NEDD4L: variants seen among roughly 807,000 people sequenced by gnomAD.
NEDD4L encodes E3 ubiquitin-protein ligase NEDD4-like.
Under a neutral mutation model 148.9 loss-of-function variants are expected in NEDD4L, and 54 were observed. The observed-to-expected ratio is 0.36, with a 90% CI of 0.29 to 0.45. The LOEUF (loss-of-function observed/expected upper bound fraction) is 0.45, where lower values mean the gene tolerates loss of function less well. Ranked by LOEUF, NEDD4L falls within the 20% of genes least tolerant of loss-of-function variation. NEDD4L has a pLI of 1.00. For missense variants in NEDD4L, 856 were observed against 1,233.8 expected (o/e 0.69, Z 4.59); for synonymous variants, 433 against 440.7 (o/e 0.98, Z 0.22).
At chr18:58,353,002 G>A (rs1265152678) in intron 18 of NEDD4L, among the ~76,000 whole-genome samples, 1 of 152,204 alleles carries the variant, frequency 6.6e-6, no homozygotes, top group Non-Finnish European at 1.5e-5. Flanking sequence ...ATGATACATA[G>A]CAGATGCTTG....
At chr18:58,150,257 G>A (rs961230588) in intron 1 of NEDD4L, among the ~76,000 whole-genome samples, 1 of 152,174 alleles carries the variant, frequency 6.6e-6, no homozygotes, top group Non-Finnish European at 1.5e-5. Flanking sequence ...GTTTTGAGAC[G>A]GAGTTTCACT....
chr18:58,342,153 T>C (rs931246095), intron 15 of NEDD4L, among the ~76,000 whole-genome samples: 36 of 152,254 alleles, frequency 2.4e-4, no homozygotes, highest in African/African-American at 8.0e-4. Flanking sequence ...AGTGCTGATA[T>C]TGAGTTTTTA....
Position 58,089,126 on chromosome 18 carries a change from ATTTTTTT to A in NEDD4L, c.48+44437_48+44443del, listed in dbSNP as rs570623396. On this transcript the variant is annotated intron_variant, in intron 1 of 30. Transcript: ENST00000400345. ...CTACCCATTCAAGTTTTATTTCATA[ATTTTTTT>A]TTTTTTTTTTTTTTTTTTGAGATGG... 1.0e-3 allele frequency among the ~76,000 whole-genome samples: 103 copies of A among 100,970 alleles called. 1 individual carries two copies. The South Asian group carries it at 0.013, about 12-fold the overall frequency. 66.2% of individuals were successfully genotyped at this position (100,970 alleles called of 152,430 possible). A position where few individuals can be genotyped will look rare whatever the true frequency, so the allele number is the denominator to read the frequency against.
intron 1 of NEDD4L, among the ~76,000 whole-genome samples, chr18:58,157,099 G>A (rs2035595140): frequency 6.7e-6 from 1 of 149,982 alleles, no homozygotes. Flanking sequence ...AAGGTGGGAG[G>A]ATTGCTTGAG....
intron 1 of NEDD4L, among the ~76,000 whole-genome samples, chr18:58,152,840 A>G (rs969878743): frequency 1.4e-4 from 22 of 152,308 alleles, no homozygotes; most frequent in African/African-American, 4.8e-4. Context: ...GTGGCTTCTT[A>G]GGCACGTCTT....
intron 5 of NEDD4L, among the ~76,000 whole-genome samples, chr18:58,262,155 T>C (rs1264238720): frequency 1.3e-5 from 2 of 152,160 alleles, no homozygotes; most frequent in Non-Finnish European, 2.9e-5. Flanking sequence ...CCACTCTGAA[T>C]AAAAAATTAA....
chr18:58,056,583 A>AT (rs2082094764), intron 1 of NEDD4L, among the ~76,000 whole-genome samples: 2 of 150,636 alleles, frequency 1.3e-5, no homozygotes, highest in African/African-American at 2.4e-5. Context: ...GCCTTTTTTT[A>AT]TTTTTTTACT....
chr18:58,315,840 G>A (rs554522461), intron 5 of NEDD4L, 142 bp from the exon 6 acceptor site: 26 of 769,690 alleles, frequency 3.4e-5, no homozygotes, highest in East Asian at 1.2e-4. Flanking sequence ...GTGGTTACTC[G>A]TGTCTCCTCG....
chr18:58,095,575 C>T (rs1334171465), intron 1 of NEDD4L, among the ~76,000 whole-genome samples: 1 of 152,198 alleles, frequency 6.6e-6, no homozygotes, highest in Non-Finnish European at 1.5e-5. Flanking sequence ...CAGAGAGAAG[C>T]TGTGGCCGCC....
chr18:58,127,474 CG>C (rs1568254377), intron 1 of NEDD4L, among the ~76,000 whole-genome samples: 1 of 149,832 alleles, frequency 6.7e-6, no homozygotes, highest in Non-Finnish European at 1.5e-5. Flanking sequence ...GAGGCCGAGG[CG>C]GGAAGATCGC....
intron 2 of NEDD4L, among the ~76,000 whole-genome samples, chr18:58,232,178 GGT>G: frequency 6.6e-6 from 1 of 152,198 alleles, no homozygotes; most frequent in Non-Finnish European, 1.5e-5. Context: ...GGTGGGGCAG[GGT>G]GTGTAGGAAC....
intron 8 of NEDD4L, among the ~76,000 whole-genome samples, chr18:58,324,620 T>C (rs1407813985): frequency 6.6e-6 from 1 of 152,190 alleles, no homozygotes; most frequent in Non-Finnish European, 1.5e-5. Context: ...ACGCACATCA[T>C]TGGCAGGGCT....
chr18:58,286,484 C>T (rs781704792), intron 5 of NEDD4L, among the ~76,000 whole-genome samples: 6 of 151,926 alleles, frequency 3.9e-5, no homozygotes, highest in East Asian at 1.9e-4. Flanking sequence ...TAGTCATAAG[C>T]GTCTGTATTA....
intron 5 of NEDD4L, among the ~76,000 whole-genome samples, chr18:58,293,336 C>T (rs1029775282): frequency 2.0e-5 from 3 of 152,112 alleles, no homozygotes; most frequent in East Asian, 1.9e-4. Context: ...AAAATCAATG[C>T]CAATGTAGGT....
chr18:58,187,440 C>G (rs933461777), intron 2 of NEDD4L, among the ~76,000 whole-genome samples: 1 of 152,032 alleles, frequency 6.6e-6, no homozygotes, highest in African/African-American at 2.4e-5. Flanking sequence ...GAAGGGAAAC[C>G]CTTTTCTTAG....
At position 58,400,437 on chromosome 18, in the gene NEDD4L, C is replaced by T. The variant is rs1036772906; in HGVS notation, c.*4168C>T. 6.6e-6 allele frequency: 1 copy of T among 152,130 alleles called. No homozygotes were observed. Among genetic ancestry groups the T allele is most frequent in the Non-Finnish European group, 1.5e-5 (1 of 68,034 alleles). The allele number at this position is 152,130 out of a possible 1,614,324, so 9.4% of individuals were successfully genotyped here. ...TAAGCCTTAATGAACAGTGTCTATA[C>T]ATTTGCATACACACACCCCCACCCC... On this transcript the variant is annotated 3_prime_UTR_variant, in exon 31 of 31. Coordinates refer to ENST00000400345, the MANE Select transcript of NEDD4L (RefSeq NM_001144967.3).
At chr18:58,354,620 A>T (rs1794230969) in intron 18 of NEDD4L, among the ~76,000 whole-genome samples, 1 of 152,164 alleles carries the variant, frequency 6.6e-6, no homozygotes, top group South Asian at 2.1e-4. Context: ...AAAATAATGC[A>T]CTAAGTTCCT....
At chr18:58,386,404 C>A (rs1340998332) in intron 26 of NEDD4L, among the ~76,000 whole-genome samples, 1 of 152,064 alleles carries the variant, frequency 6.6e-6, no homozygotes, top group Non-Finnish European at 1.5e-5. Context: ...TAATTCATTG[C>A]AGGTTCTCTT....
At chr18:58,155,945 G>C (rs1190906037) in intron 1 of NEDD4L, among the ~76,000 whole-genome samples, 1 of 152,184 alleles carries the variant, frequency 6.6e-6, no homozygotes, top group South Asian at 2.1e-4. Flanking sequence ...TGGGCTTCCT[G>C]ACTTCTCGAT....
Sources: allele counts gnomAD v4.1 joint callset (sites outside exome capture counted in the v4.1 genomes callset), GRCh38; gene constraint gnomAD v4.1.1; transcripts MANE v1.5; gene names NCBI Gene and HGNC (gene_info 2026-07-23, HGNC 2026-07-21).